The following EZH1 variants were observed in gnomAD, a reference collection of about 807,000 sequenced individuals.
The protein encoded by EZH1 is enhancer of zeste 1 polycomb repressive complex 2 subunit.
A neutral mutation model predicts 100.5 loss-of-function variants in EZH1; 33 were observed. The ratio of observed to expected loss-of-function variants is 0.33; its 90% CI spans 0.25 to 0.44. The LOEUF (loss-of-function observed/expected upper bound fraction) is 0.44. Among genes scored for constraint, EZH1 ranks in the 20% least tolerant of loss-of-function variants. The pLI, the probability that EZH1 is intolerant of heterozygous loss-of-function variation, is 1.00. For synonymous variants in EZH1, 272 were observed against 313.8 expected, an observed-to-expected ratio of 0.87 and a Z score of 1.41; for missense variants, 475 against 928.4, an observed-to-expected ratio of 0.51 and a Z score of 6.35.
At chr17:42,709,994 GC>G in intron 12 of EZH1, 57 bp from the exon 13 acceptor site, 1 of 1,490,132 alleles carries the variant, frequency 6.7e-7, no homozygotes, top group Non-Finnish European at 9.4e-7. Context: ...CAGGTAAGTG[GC>G]CCAGCTGGGT....
intron 1 of EZH1, among the ~76,000 whole-genome samples, chr17:42,740,499 G>C (rs567997671): frequency 1.3e-5 from 2 of 152,242 alleles, no homozygotes; most frequent in Non-Finnish European, 2.9e-5. Flanking sequence ...GCCTCCCAAA[G>C]TGCTGGGATT....
intron 4 of EZH1, among the ~76,000 whole-genome samples, chr17:42,725,128 C>T (rs2053792161): frequency 6.6e-6 from 1 of 152,106 alleles, no homozygotes; most frequent in African/African-American, 2.4e-5. Context: ...GATCACGCCA[C>T]TGCACTCCAG....
At chr17:42,719,320 C>T in intron 7 of EZH1, 113 bp from the exon 8 acceptor site, 1 of 776,958 alleles carries the variant, frequency 1.3e-6, no homozygotes, top group Non-Finnish European at 2.2e-6. Flanking sequence ...GCTTTGTTAA[C>T]CTAACCACTG....
At chr17:42,705,845 G>A in intron 16 of EZH1, 162 bp downstream of exon 16, 2 of 787,424 alleles carry the variant, frequency 2.5e-6, no homozygotes, top group Non-Finnish European at 3.7e-6. Context: ...GCCCTACTGG[G>A]ACTGAAGCCT....
intron 10 of EZH1, among the ~76,000 whole-genome samples, chr17:42,716,612 G>A (rs1314632089): frequency 1.3e-5 from 2 of 152,140 alleles, no homozygotes; most frequent in African/African-American, 2.4e-5. Flanking sequence ...CCTGTGAGAA[G>A]GGCAATGACC....
At chr17:42,738,755 ATTTTTTT>A (rs763333138) in intron 1 of EZH1, among the ~76,000 whole-genome samples, 4 of 91,178 alleles carry the variant, frequency 4.4e-5, no homozygotes, top group South Asian at 3.3e-4. Context: ...CCTGGCCTAG[ATTTTTTT>A]TTTTTTTTTT....
intron 18 of EZH1, among the ~76,000 whole-genome samples, chr17:42,704,103 C>G (rs1251977038): frequency 6.6e-6 from 1 of 152,132 alleles, no homozygotes; most frequent in Non-Finnish European, 1.5e-5. Context: ...CAAACAGAAC[C>G]CAGAAATGGA....
chr17:42,705,908 A>G, intron 16 of EZH1, 99 bp downstream of exon 16: 1 of 1,240,550 alleles, frequency 8.1e-7, no homozygotes, highest in Non-Finnish European at 1.1e-6. Flanking sequence ...ACTTTCACAT[A>G]TAAAGCCTCA....
intron 5 of EZH1, among the ~76,000 whole-genome samples, chr17:42,723,243 C>T (rs148065110): frequency 1.4e-3 from 212 of 152,138 alleles, no homozygotes; most frequent in Middle Eastern, 6.8e-3. Flanking sequence ...GGCGTGGTGG[C>T]GCATGCCTGT....
chr17:42,706,361 T>A lies in EZH1; in HGVS notation c.1661-176A>T, dbSNP rs920537228. On this transcript the variant is annotated intron_variant, in intron 15 of 20. Coordinates refer to ENST00000428826, the MANE Select transcript of EZH1 (RefSeq NM_001991.5). The surrounding 1 kb of genome is among the most constrained non-coding windows in gnomAD (Gnocchi z 4.4). ...CAAGTTTTGTCCATAGAAAACTGAG[T>A]GCTTCCCAACATTCATGCCTTCGAG... is the stretch of plus-strand genomic sequence containing the variant. Among the ~76,000 whole-genome samples the A allele has an allele frequency of 6.6e-5, 10 of 152,040 alleles. No individual in the cohort carries two copies. Among genetic ancestry groups the A allele is most frequent in the African/African-American group, 2.4e-4 (10 of 41,382 alleles).
intron 4 of EZH1, among the ~76,000 whole-genome samples, chr17:42,724,835 T>C (rs149829000): frequency 1.3e-5 from 2 of 151,948 alleles, no homozygotes; most frequent in East Asian, 3.9e-4. Context: ...TCTTACAAGC[T>C]AATAAATTAA....
intron 18 of EZH1, among the ~76,000 whole-genome samples, chr17:42,704,032 G>A (rs1001384541): frequency 1.3e-5 from 2 of 152,178 alleles, no homozygotes; most frequent in Admixed American, 6.5e-5. Context: ...TTTGAATTAT[G>A]GATCTTCTCA....
chr17:42,735,130 T>A (rs778178656), intron 1 of EZH1, among the ~76,000 whole-genome samples: 2 of 152,098 alleles, frequency 1.3e-5, no homozygotes, highest in Non-Finnish European at 2.9e-5. Flanking sequence ...AATCTACAGA[T>A]GCTGTCGTGT....
At chr17:42,731,203 C>T (rs943438375) in intron 1 of EZH1, among the ~76,000 whole-genome samples, 3 of 151,848 alleles carry the variant, frequency 2.0e-5, no homozygotes, top group South Asian at 2.1e-4. Context: ...CTGCAACCTC[C>T]GCCTCCTGGG....
chr17:42,709,223 C>T, intron 13 of EZH1: 1 of 348,432 alleles, frequency 2.9e-6, no homozygotes, highest in Non-Finnish European at 5.3e-6. Flanking sequence ...TGTTTCTCTC[C>T]AAATCTCTCC....
chr17:42,722,828 T>C lies in EZH1; in HGVS notation c.454A>G (p.Asn152Asp). Residue 152 changes from asparagine to aspartate, a missense_variant, in exon 6 of 21, where the codon AAT becomes GAT. Asn to Asp is a conservative substitution (Grantham distance 23, BLOSUM62 1). This residue lies in a region of EZH1 where 17 missense variants were observed against 68.0 expected (regional missense o/e 0.25). Coordinates refer to ENST00000428826, the MANE Select transcript of EZH1 (RefSeq NM_001991.5). ...CCATGGACTTTCCCATCATAGTTATTGATCAGCTCCTCAATAAAAGTCTCA... is the reference window on the plus strand; with the variant it reads ...CCATGGACTTTCCCATCATAGTTATCGATCAGCTCCTCAATAAAAGTCTCA... ...EDETFIEELI[N>D]NYDGKVHGEE... The C allele has an allele frequency of 6.2e-7, 1 of 1,614,032 alleles. No homozygotes were observed. Among genetic ancestry groups the C allele is most frequent in the Non-Finnish European group, 8.5e-7 (1 of 1,180,012 alleles).
chr17:42,725,616 A>C (rs1162026570), intron 4 of EZH1, among the ~76,000 whole-genome samples: 4 of 152,060 alleles, frequency 2.6e-5, no homozygotes, highest in African/African-American at 7.2e-5. Flanking sequence ...TGTGTCCTCT[A>C]TAGAGTTCAG....
rs2143732639 is a variant in EZH1, at chr17:42,708,915, A to G, written c.1495T>C (p.Leu499=). ...ATCTTCCTGCAGTGTGCAGCCCACA[A>G]TCTGAAAAAGACAGGAAGGACAGGT... The part of the protein sequence containing the change: ...PSQKKKRKHR[L]WAAHCRKIQL... The change falls in exon 14 of 21, where the codon TTG becomes CTG. Residue 499 remains leucine, a splice_region_variant and synonymous_variant. Coordinates refer to ENST00000428826, the MANE Select transcript of EZH1 (RefSeq NM_001991.5). 2.5e-6 allele frequency: 4 copies of G among 1,614,164 alleles called. No homozygotes were observed. Among genetic ancestry groups the G allele is most frequent in the Non-Finnish European group, 3.4e-6 (4 of 1,180,032 alleles).
intron 20 of EZH1, 29 bp downstream of exon 20, chr17:42,702,848 C>T (rs780587202): frequency 2.7e-5 from 43 of 1,609,506 alleles, no homozygotes; most frequent in Non-Finnish European, 3.2e-5. Flanking sequence ...TCCTGGGCCA[C>T]ATCCCAAGGA....
Sources: gnomAD v4.1 joint callset for allele counts (sites outside exome capture counted in the v4.1 genomes callset) on GRCh38, gnomAD v4.1.1 for gene constraint, gnomAD v4.1.1 regional missense constraint, Gnocchi (gnomAD v3.1) non-coding constraint, MANE v1.5 for transcripts, NCBI Gene and HGNC (gene_info 2026-07-23, HGNC 2026-07-21) for gene names.